The following CPAMD8 variants were observed in gnomAD, a reference collection of about 807,000 sequenced individuals.
The protein encoded by CPAMD8 is C3 and PZP-like alpha-2-macroglobulin domain-containing protein 8.
Under a neutral mutation model 224.7 loss-of-function variants are expected in CPAMD8, and 146 were observed. That is an observed-to-expected ratio of 0.65 (90% CI 0.57 to 0.75). The LOEUF (loss-of-function observed/expected upper bound fraction) is 0.75. Among genes scored for constraint, CPAMD8 ranks in the 30% least tolerant of loss-of-function variants. CPAMD8 has a pLI of 0.00. For synonymous variants in CPAMD8, 966 were observed against 1,044.6 expected, an observed-to-expected ratio of 0.92 and a Z score of 1.45; for missense variants, 2,301 against 2,537.5, an observed-to-expected ratio of 0.91 and a Z score of 2.00.
At chr19:16,936,949 C>T (rs1269812868) in intron 23 of CPAMD8, among the ~76,000 whole-genome samples, 1 of 152,068 alleles carries the variant, frequency 6.6e-6, no homozygotes, top group Non-Finnish European at 1.5e-5. Context: ...ATATGCTTGG[C>T]TCTAGGTGGC....
intron 7 of CPAMD8, among the ~76,000 whole-genome samples, chr19:17,007,894 G>A (rs146516624): frequency 1.5e-4 from 23 of 152,368 alleles, no homozygotes; most frequent in African/African-American, 2.9e-4. Flanking sequence ...CAGGCCGGGC[G>A]TGGTGGCTCA....
intron 23 of CPAMD8, among the ~76,000 whole-genome samples, chr19:16,935,922 T>C (rs2053668336): frequency 6.6e-6 from 1 of 150,944 alleles, no homozygotes; most frequent in African/African-American, 2.5e-5. Context: ...CATCATTTAG[T>C]GTTCACTATT....
intron 22 of CPAMD8, among the ~76,000 whole-genome samples, chr19:16,943,778 T>A (rs975203288): frequency 1.3e-5 from 2 of 152,160 alleles, no homozygotes; most frequent in African/African-American, 4.8e-5. Context: ...CCAGATACCA[T>A]GAGAGGCTTT....
intron 9 of CPAMD8, among the ~76,000 whole-genome samples, chr19:17,001,566 GAGGGGCATGCTTTGGAGAGAC>G (rs1344298837): frequency 1.3e-5 from 2 of 152,030 alleles, no homozygotes; most frequent in Non-Finnish European, 2.9e-5. Context: ...CACAGCGGGA[GAGGGGCATGCTTTGGAGAGAC>G]AGGGGCGTGC....
rs775823784 is a variant in CPAMD8, at chr19:16,898,934, C to CA, written c.4848+540dup. Among the ~76,000 whole-genome samples, 34 of 151,558 alleles carry CA rather than the reference C, an allele frequency of 2.2e-4. No homozygotes were observed. The East Asian group carries it at 5.8e-3, about 26-fold the overall frequency. ...TTATTTTTTTTTGTTTTTTTTTAGACAAGGTCTTGCAGGTCTTGCTCTGTC... is the reference window on the plus strand; with the variant it reads ...TTATTTTTTTTTGTTTTTTTTTAGACAAAGGTCTTGCAGGTCTTGCTCTGTC... On this transcript the variant is annotated intron_variant, in intron 37 of 41. Coordinates refer to ENST00000443236, the MANE Select transcript of CPAMD8 (RefSeq NM_015692.5). The surrounding 1 kb of genome is among the most constrained non-coding windows in gnomAD (Gnocchi z 4.2).
At chr19:16,967,496 A>G (rs1397008951) in intron 18 of CPAMD8, among the ~76,000 whole-genome samples, 2 of 152,170 alleles carry the variant, frequency 1.3e-5, no homozygotes, top group Non-Finnish European at 2.9e-5. Context: ...TTTTAAAAAA[A>G]GAAAATACAT....
intron 5 of CPAMD8, among the ~76,000 whole-genome samples, chr19:17,010,793 C>T (rs1052907523): frequency 6.6e-6 from 1 of 151,994 alleles, no homozygotes; most frequent in East Asian, 1.9e-4. Flanking sequence ...GAGGCTGAGG[C>T]GGGTGTATCA....
At position 16,906,394 on chromosome 19, in the gene CPAMD8, CTTTCTTTCTT is replaced by C. The variant is rs2052508301; in HGVS notation, c.4027+548_4027+557del. Among the ~76,000 whole-genome samples, 5 of 85,194 alleles carry C rather than the reference CTTTCTTTCTT, an allele frequency of 5.9e-5. 1 individual carries two copies. Among genetic ancestry groups the C allele is most frequent in the African/African-American group, 1.9e-4 (5 of 26,450 alleles). The allele number at this position is 85,194 out of a possible 152,430, so 55.9% of individuals were successfully genotyped here. A position where few individuals can be genotyped will look rare whatever the true frequency, so the allele number is the denominator to read the frequency against. ...TCTTTCTTTCTTTCTTTCTTTCTTTCTTTCTTTCTTTCTTTCCTTCCTTCCTTCCTTCCTT... is the reference window on the plus strand; with the variant it reads ...TCTTTCTTTCTTTCTTTCTTTCTTTCTCTTTCCTTCCTTCCTTCCTTCCTT... On this transcript the variant is annotated intron_variant, in intron 30 of 41. Transcript: ENST00000443236.
intron 21 of CPAMD8, among the ~76,000 whole-genome samples, chr19:16,946,385 G>A (rs747868057): frequency 1.8e-4 from 26 of 147,120 alleles, no homozygotes; most frequent in Non-Finnish European, 3.6e-4. Flanking sequence ...ATTTGTGTGT[G>A]TGTATATGCA....
At chr19:16,939,365 G>A (rs1021456300) in intron 22 of CPAMD8, among the ~76,000 whole-genome samples, 3 of 151,860 alleles carry the variant, frequency 2.0e-5, no homozygotes, top group East Asian at 1.9e-4. Flanking sequence ...ATGCCACCAC[G>A]CCAAGCTAAT....
chr19:16,981,400 A>G (rs948266259), intron 13 of CPAMD8, among the ~76,000 whole-genome samples: 14 of 152,258 alleles, frequency 9.2e-5, no homozygotes, highest in Middle Eastern at 3.4e-3. Context: ...CCTAACTTTG[A>G]ACGTGCTAAT....
chr19:16,955,082 C>T (rs751155191), intron 19 of CPAMD8, among the ~76,000 whole-genome samples: 1 of 151,796 alleles, frequency 6.6e-6, no homozygotes, highest in African/African-American at 2.4e-5. Flanking sequence ...GAGCCGAGAT[C>T]GCACCACTGC....
At chr19:16,903,038 G>A (rs966658355) in intron 34 of CPAMD8, among the ~76,000 whole-genome samples, 175 bp from the exon 35 acceptor site, 2 of 152,138 alleles carry the variant, frequency 1.3e-5, no homozygotes, top group African/African-American at 4.8e-5. Flanking sequence ...TCACTGAAGC[G>A]GGTGTAGGTA....
intron 22 of CPAMD8, among the ~76,000 whole-genome samples, chr19:16,940,837 G>A (rs971782377): frequency 6.6e-6 from 1 of 152,232 alleles, no homozygotes; most frequent in Admixed American, 6.5e-5. Flanking sequence ...GCATTGCTTA[G>A]GCCTCAGTAA....
intron 21 of CPAMD8, among the ~76,000 whole-genome samples, chr19:16,946,784 C>T (rs8112856): frequency 0.17 from 25,868 of 149,644 alleles, 2,420 homozygotes; most frequent in East Asian, 0.29. Context: ...CACATGTGGG[C>T]GTGTGTGTGG....
Position 16,893,328 on chromosome 19 carries a change from C to T in CPAMD8, c.5438G>A (p.Gly1813Glu). 1 of 1,531,534 alleles carries T rather than the reference C, an allele frequency of 6.5e-7. No homozygotes were observed. The highest frequency in any genetic ancestry group is 8.8e-7 in the Non-Finnish European group (1 of 1,137,104). The allele number at this position is 1,531,534 out of a possible 1,614,324, so 94.9% of individuals were successfully genotyped here. ...EGEAEDRVTA[G>E]PRPPVSSGNL... The stretch of plus-strand genomic sequence containing the variant: ...CCCGCTGCTCACAGGAGGCCGAGGC[C>T]CGGCTGTGACCCTGGAGATGAGGTT... Residue 1813 changes from glycine (G) to glutamate (E), a missense_variant, in exon 42 of 42, where the codon GGG (glycine) becomes GAG (glutamate). By Grantham distance (98) the Gly-to-Glu change is moderately conservative. Transcript: ENST00000443236.
intron 6 of CPAMD8, 28 bp downstream of exon 6, chr19:17,009,275 A>T: frequency 2.5e-6 from 4 of 1,614,002 alleles, no homozygotes; most frequent in Non-Finnish European, 3.4e-6. Flanking sequence ...CCCCAAGTCC[A>T]AGCCGAGGAA....
At chr19:16,982,330 T>C (rs2055543899) in intron 13 of CPAMD8, among the ~76,000 whole-genome samples, 1 of 151,612 alleles carries the variant, frequency 6.6e-6, no homozygotes, top group Non-Finnish European at 1.5e-5. Flanking sequence ...GAGGTCGATG[T>C]GCGGTGAGTC....
At chr19:16,982,173 T>C (rs7254696) in intron 13 of CPAMD8, among the ~76,000 whole-genome samples, 8,677 of 152,010 alleles carry the variant, frequency 0.057, 488 homozygotes, top group African/African-American at 0.15. Flanking sequence ...GCGAGAGGAT[T>C]GCTTGAGTCT....
Sources: gnomAD v4.1 joint callset for allele counts (sites outside exome capture counted in the v4.1 genomes callset) on GRCh38, gnomAD v4.1.1 for gene constraint, Gnocchi (gnomAD v3.1) non-coding constraint, MANE v1.5 for transcripts, NCBI Gene and HGNC (gene_info 2026-07-23, HGNC 2026-07-21) for gene names.